Variants in ZNF385D observed in about 807,000 individuals in gnomAD.
ZNF385D encodes zinc finger protein 659.
In ZNF385D, 15 loss-of-function variants were observed where a neutral mutation model predicts 35.8. The observed-to-expected ratio is 0.42, with a 90% CI of 0.28 to 0.64. ZNF385D has a LOEUF of 0.64. ZNF385D is among the 30% of genes least tolerant of loss of function. The pLI is 0.23. For synonymous variants in ZNF385D, 212 were observed against 186.8 expected (o/e 1.13, Z -1.10); for missense variants, 474 against 494.6 (o/e 0.96, Z 0.39).
At chr3:22,069,420 G>A (rs779699944) in intron 3 of ZNF385D, among the ~76,000 whole-genome samples, 10 of 152,142 alleles carry the variant, frequency 6.6e-5, no homozygotes, top group Non-Finnish European at 1.5e-4. Flanking sequence ...GGTGGGGAGA[G>A]AGGAAATGAT....
intron 3 of ZNF385D, among the ~76,000 whole-genome samples, chr3:21,816,891 A>C (rs560921391): frequency 1.3e-5 from 2 of 152,338 alleles, no homozygotes; most frequent in South Asian, 4.1e-4. Context: ...TCCTAAGCCA[A>C]AAGAACAAAG....
intron 2 of ZNF385D, among the ~76,000 whole-genome samples, chr3:22,202,285 G>A (rs1696849623): frequency 6.6e-6 from 1 of 152,050 alleles, no homozygotes; most frequent in Non-Finnish European, 1.5e-5. Context: ...ATTGTAAAAG[G>A]TCTTTGGAAG....
Position 22,075,321 on chromosome 3 carries a change from G to A in ZNF385D, c.325+93496C>T, listed in dbSNP as rs1026560978. Among the ~76,000 whole-genome samples, 8 of 151,868 alleles carry A rather than the reference G, an allele frequency of 5.3e-5. No individual in the cohort carries two copies. The East Asian group carries it at 5.8e-4, about 11-fold the overall frequency. On this transcript the variant is annotated intron_variant, in intron 3 of 5. Transcript: ENST00000494108. ...GTTTCCCTAAAGATTCCTCTCCAGA[G>A]GCCTAATGTGCAATCACCTCTCCTC...
chr3:21,512,986 A>G (rs1707321050), intron 3 of ZNF385D, among the ~76,000 whole-genome samples: 1 of 152,152 alleles, frequency 6.6e-6, no homozygotes, highest in South Asian at 2.1e-4. Flanking sequence ...TGTTTAATAG[A>G]TAATATATAT....
intron 3 of ZNF385D, among the ~76,000 whole-genome samples, chr3:21,990,664 C>A (rs1468986639): frequency 6.6e-6 from 1 of 152,108 alleles, no homozygotes; most frequent in East Asian, 1.9e-4. Context: ...ATAAAGTTAT[C>A]AATTAACTCT....
chr3:22,244,836 A>G (rs1473649897), intron 2 of ZNF385D, among the ~76,000 whole-genome samples: 1 of 143,260 alleles, frequency 7.0e-6, no homozygotes, highest in Middle Eastern at 3.8e-3. Context: ...TTTTTTTCTC[A>G]TCTGCTATAC....
chr3:21,452,028 G>T (rs1702492971), intron 4 of ZNF385D, among the ~76,000 whole-genome samples: 1 of 151,984 alleles, frequency 6.6e-6, no homozygotes, highest in African/African-American at 2.4e-5. Context: ...AAGACTATGT[G>T]TATGACTAGA....
At chr3:22,112,443 G>A (rs62246427) in intron 3 of ZNF385D, among the ~76,000 whole-genome samples, 15,796 of 151,984 alleles carry the variant, frequency 0.1, 1,035 homozygotes, top group Middle Eastern at 0.19. Flanking sequence ...GAATGACAGC[G>A]GTGGGTGACA....
At chr3:21,985,973 C>G (rs1375300549) in intron 3 of ZNF385D, among the ~76,000 whole-genome samples, 2 of 117,616 alleles carry the variant, frequency 1.7e-5, no homozygotes, top group Non-Finnish European at 3.3e-5. Flanking sequence ...TTGTAGTATT[C>G]TCTGATGGTA....
chr3:22,087,759 T>G (rs1467307307), intron 3 of ZNF385D, among the ~76,000 whole-genome samples: 1 of 152,152 alleles, frequency 6.6e-6, no homozygotes, highest in African/African-American at 2.4e-5. Context: ...ATAGGTGAGT[T>G]AGAAATTAGT....
chr3:22,181,291 T>C (rs1182529671), intron 2 of ZNF385D, among the ~76,000 whole-genome samples: 3 of 152,108 alleles, frequency 2.0e-5, no homozygotes, highest in Non-Finnish European at 4.4e-5. Context: ...ATCCTAACAG[T>C]GGCACATATA....
intron 3 of ZNF385D, among the ~76,000 whole-genome samples, chr3:21,803,722 T>G (rs1464792308): frequency 6.6e-6 from 1 of 152,136 alleles, no homozygotes; most frequent in Admixed American, 6.5e-5. Context: ...TCTTCATCAT[T>G]GTTTAGGCTT....
chr3:21,904,824 T>A (rs548911156), intron 3 of ZNF385D, among the ~76,000 whole-genome samples: 1 of 152,250 alleles, frequency 6.6e-6, no homozygotes, highest in South Asian at 2.1e-4. Context: ...ACAGTACTTA[T>A]GAGAAAATAA....
In ZNF385D at chr3:21,412,944, T is replaced by A. The variant is rs958313550; in HGVS notation, c.*8270A>T. The A allele has an allele frequency of 7.2e-5, 11 of 151,926 alleles. No individual in the cohort carries two copies. Among genetic ancestry groups the A allele is most frequent in the African/African-American group, 2.4e-4 (10 of 41,352 alleles). 9.4% of individuals were successfully genotyped at this position (151,926 alleles called of 1,614,324 possible). ...TCACATATCATGTAGGGTGAGAAAT[T>A]GATGTTTGGGGAGATGTTATCACAT... On this transcript the variant is annotated 3_prime_UTR_variant, in exon 8 of 8. Transcript: ENST00000281523.
In ZNF385D at chr3:22,228,712, C is replaced by A. The variant is rs145402579; in HGVS notation, c.107-59677G>T. 5.9e-5 allele frequency among the ~76,000 whole-genome samples: 9 copies of A among 152,254 alleles called. No homozygotes were observed. In the South Asian group the frequency reaches 1.9e-3, roughly 32 times the overall value. ...GGAGATTAACATTTGAGCCAGTGGA[C>A]TGGGAGTGGCAGACCCACTCTCAAT... On this transcript the variant is annotated intron_variant, in intron 2 of 5. Transcript: ENST00000494108.
At chr3:22,229,976 C>T (rs1271979108) in intron 2 of ZNF385D, among the ~76,000 whole-genome samples, 2 of 152,174 alleles carry the variant, frequency 1.3e-5, no homozygotes, top group Non-Finnish European at 2.9e-5. Context: ...TATACTTACA[C>T]CTTCTCTGCA....
At chr3:22,085,760 C>T (rs1701000500) in intron 3 of ZNF385D, among the ~76,000 whole-genome samples, 1 of 152,106 alleles carries the variant, frequency 6.6e-6, no homozygotes, top group African/African-American at 2.4e-5. Flanking sequence ...AAAAAAGAAA[C>T]TTTCAGGCCA....
At chr3:22,270,167 C>T (rs979896482) in intron 2 of ZNF385D, among the ~76,000 whole-genome samples, 1 of 151,856 alleles carries the variant, frequency 6.6e-6, no homozygotes, top group Non-Finnish European at 1.5e-5. Context: ...ATTTATTTCC[C>T]CCTAGAAAAA....
intron 4 of ZNF385D, among the ~76,000 whole-genome samples, chr3:21,442,231 G>C (rs1575151943): frequency 6.6e-6 from 1 of 152,116 alleles, no homozygotes; most frequent in African/African-American, 2.4e-5. Context: ...TATTCCTCTG[G>C]TTACAGACTT....
Sources: allele counts gnomAD v4.1 joint callset (sites outside exome capture counted in the v4.1 genomes callset), GRCh38; gene constraint gnomAD v4.1.1; transcripts MANE v1.5; gene names NCBI Gene and HGNC (gene_info 2026-07-23, HGNC 2026-07-21).